Variants in OTOP1 observed in about 807,000 individuals in gnomAD.
OTOP1 encodes the protein otopetrin 1.
Under a neutral mutation model 52.9 loss-of-function variants are expected in OTOP1, and 59 were observed. The ratio of observed to expected loss-of-function variants is 1.12; its 90% CI spans 0.91 to 1.39. The LOEUF is 1.39. Among genes scored for constraint, OTOP1 ranks in the 40% most tolerant of loss-of-function variants. OTOP1 has a pLI of 0.00. For synonymous variants in OTOP1, 317 were observed against 337.7 expected (o/e 0.94, Z 0.67); for missense variants, 761 against 800.9 (o/e 0.95, Z 0.60).
intron 2 of OTOP1, among the ~76,000 whole-genome samples, chr4:4,207,307 T>C (rs1428919416): frequency 1.3e-5 from 2 of 152,226 alleles, no homozygotes; most frequent in Non-Finnish European, 2.9e-5. Context: ...ATTTAATTGA[T>C]GCTTTTTATA....
In OTOP1 at chr4:4,221,406, T is replaced by C. The variant is rs140616728; in HGVS notation, c.403+5056A>G. ...CCACTTCATTCCAGCCTGGGAGACA[T>C]AGGGAGACCCTGTCCTTATTTAAAA... On this transcript the variant is annotated intron_variant, in intron 1 of 5. Transcript: ENST00000296358. Among the ~76,000 whole-genome samples the C allele has an allele frequency of 2.3e-3, 357 of 152,150 alleles. 2 individuals carry two copies. The highest frequency in any genetic ancestry group is 8.1e-3 in the African/African-American group (335 of 41,522).
rs186550158 is a variant in OTOP1 at position 4,194,486 on chromosome 4, T to C, written c.1668+2680A>G. 4.1e-4 allele frequency among the ~76,000 whole-genome samples: 63 copies of C among 152,306 alleles called. 1 individual carries two copies. The highest frequency in any genetic ancestry group is 2.9e-3 in the Admixed American group (45 of 15,300). ...TTCCGCCTTCAGCGCCCCTCCTCAC[T>C]GCCTAGCAAACTGAAGGAAGCCGGG... On this transcript the variant is annotated intron_variant, in intron 5 of 5. Transcript: ENST00000296358.
chr4:4,215,616 C>T (rs1379636964), intron 1 of OTOP1, among the ~76,000 whole-genome samples: 12 of 151,898 alleles, frequency 7.9e-5, no homozygotes, highest in Non-Finnish European at 1.0e-4. Flanking sequence ...GCCGAGATCG[C>T]ATGATTGCAC....
chr4:4,194,116 G>T (rs1391875150), intron 5 of OTOP1, among the ~76,000 whole-genome samples: 2 of 152,180 alleles, frequency 1.3e-5, no homozygotes, highest in Non-Finnish European at 2.9e-5. Flanking sequence ...TTGAACCTGG[G>T]AGGCGGAGGT....
At chr4:4,208,423 C>A (rs1227011105) in intron 2 of OTOP1, among the ~76,000 whole-genome samples, 1 of 152,146 alleles carries the variant, frequency 6.6e-6, no homozygotes, top group Non-Finnish European at 1.5e-5. Flanking sequence ...TATAGACATA[C>A]AATGGAATTT....
intron 1 of OTOP1, among the ~76,000 whole-genome samples, chr4:4,223,566 AAGAAGGAGGAGCAGAAGGAGAAGG>A (rs1717349914): frequency 6.6e-6 from 1 of 152,166 alleles, no homozygotes; most frequent in Non-Finnish European, 1.5e-5. Context: ...AGAAAAAAAG[AAGAAGGAGGAGCAGAAGGAGAAGG>A]AGAAGGAGGA....
chr4:4,189,835 AAC>A (rs1429790050), intron 5 of OTOP1, among the ~76,000 whole-genome samples: 1 of 152,200 alleles, frequency 6.6e-6, no homozygotes, highest in African/African-American at 2.4e-5. Context: ...GAATCCTGCC[AAC>A]AGTCACATGA....
intron 1 of OTOP1, among the ~76,000 whole-genome samples, chr4:4,224,410 A>C (rs1414811590): frequency 2.7e-5 from 4 of 150,414 alleles, no homozygotes; most frequent in African/African-American, 9.8e-5. Context: ...GGAGGGAGGG[A>C]GGAGGAAGAA....
In OTOP1 at chr4:4,209,273, A is replaced by G. The variant is rs192201763; in HGVS notation, c.541-3143T>C. ...TACAGGTTTGGCAGTATTTGCCACA[A>G]TTTTAAAATAAATACTCTGTTTTTT... is the stretch of plus-strand genomic sequence containing the variant. On this transcript the variant is annotated intron_variant, in intron 2 of 5. Coordinates refer to ENST00000296358, the MANE Select transcript of OTOP1 (RefSeq NM_177998.3). Among the ~76,000 whole-genome samples, 143 of 152,266 alleles carry G rather than the reference A, an allele frequency of 9.4e-4. 1 individual carries two copies. Among genetic ancestry groups the G allele is most frequent in the African/African-American group, 3.3e-3 (137 of 41,536 alleles).
chr4:4,223,575 G>GAGGAGA (rs1454533050), intron 1 of OTOP1, among the ~76,000 whole-genome samples: 7 of 150,950 alleles, frequency 4.6e-5, no homozygotes, highest in Middle Eastern at 3.4e-3. Flanking sequence ...GAAGAAGGAG[G>GAGGAGA]AGCAGAAGGA....
At chr4:4,202,793 G>A (rs1716819811) in intron 3 of OTOP1, among the ~76,000 whole-genome samples, 1 of 152,270 alleles carries the variant, frequency 6.6e-6, no homozygotes, top group South Asian at 2.1e-4. Flanking sequence ...TTCAGCCGTA[G>A]TCTTGAACTT....
At chr4:4,209,025 G>A (rs1229695989) in intron 2 of OTOP1, among the ~76,000 whole-genome samples, 9 of 152,186 alleles carry the variant, frequency 5.9e-5, no homozygotes, top group Non-Finnish European at 1.5e-5. Context: ...AGATGCCAGT[G>A]CTGGGCAAGT....
At chr4:4,213,489 T>C (rs1292532563) in intron 1 of OTOP1, among the ~76,000 whole-genome samples, 1 of 152,332 alleles carries the variant, frequency 6.6e-6, no homozygotes, top group East Asian at 1.9e-4. Flanking sequence ...GCAAATTATA[T>C]ATCTAATAAG....
chr4:4,197,067 C>A, intron 5 of OTOP1, 99 bp downstream of exon 5: 2 of 1,261,872 alleles, frequency 1.6e-6, no homozygotes, highest in Admixed American at 2.2e-5. Flanking sequence ...CAGCAACACG[C>A]AATTTACCCA....
At chr4:4,202,696 A>C in intron 3 of OTOP1, 118 bp from the exon 4 acceptor site, 1 of 1,357,888 alleles carries the variant, frequency 7.4e-7, no homozygotes, top group Non-Finnish European at 1.0e-6. Flanking sequence ...TTCTGGTTTC[A>C]CCTGGCAGTT....
intron 1 of OTOP1, among the ~76,000 whole-genome samples, chr4:4,221,089 T>C (rs1269848791): frequency 5.3e-5 from 7 of 131,852 alleles, no homozygotes; most frequent in Non-Finnish European, 1.1e-4. Context: ...TATTTTATTT[T>C]ATTTTATTGA....
At chr4:4,214,712 T>G (rs1453375380) in intron 1 of OTOP1, among the ~76,000 whole-genome samples, 1 of 152,140 alleles carries the variant, frequency 6.6e-6, no homozygotes, top group Non-Finnish European at 1.5e-5. Context: ...CAAAGGACAA[T>G]ACTGTAGGAT....
At chr4:4,200,337 T>A (rs1295029424) in intron 4 of OTOP1, among the ~76,000 whole-genome samples, 2 of 151,816 alleles carry the variant, frequency 1.3e-5, no homozygotes, top group African/African-American at 4.8e-5. Flanking sequence ...TAGCCGGGCG[T>A]GGTGGCAGGT....
intron 1 of OTOP1, among the ~76,000 whole-genome samples, chr4:4,219,558 C>T (rs1264904638): frequency 1.8e-4 from 27 of 151,748 alleles, no homozygotes; most frequent in African/African-American, 5.3e-4. Context: ...AAAAATTAGC[C>T]GGGCGTGGTG....
Sources: allele counts gnomAD v4.1 joint callset (sites outside exome capture counted in the v4.1 genomes callset), GRCh38; gene constraint gnomAD v4.1.1; transcripts MANE v1.5; gene names NCBI Gene and HGNC (gene_info 2026-07-23, HGNC 2026-07-21).